SLC39A12: variants seen among roughly 807,000 people sequenced by gnomAD.
SLC39A12 encodes the protein zinc transporter ZIP12.
In SLC39A12, 63 loss-of-function variants were observed where a neutral mutation model predicts 71.1. The observed-to-expected ratio is 0.89, with a 90% CI of 0.72 to 1.09. SLC39A12 has a LOEUF of 1.09. SLC39A12 is among the 50% of genes least tolerant of loss of function. SLC39A12 has a pLI of 0.00. For synonymous variants in SLC39A12, 351 were observed against 301.3 expected, an observed-to-expected ratio of 1.16 and a Z score of -1.71; for missense variants, 892 against 812.6, an observed-to-expected ratio of 1.10 and a Z score of -1.19.
chr10:17,971,829 AT>A (rs1401863162), intron 4 of SLC39A12, among the ~76,000 whole-genome samples: 2 of 151,816 alleles, frequency 1.3e-5, no homozygotes, highest in East Asian at 3.9e-4. Flanking sequence ...CTTCAAATTC[AT>A]TTACTTCTGC....
intron 4 of SLC39A12, among the ~76,000 whole-genome samples, chr10:17,972,711 T>C (rs1835006385): frequency 6.6e-6 from 1 of 152,100 alleles, no homozygotes; most frequent in East Asian, 1.9e-4. Flanking sequence ...CCTTTATTTT[T>C]AGTCTATGTG....
intron 12 of SLC39A12, among the ~76,000 whole-genome samples, chr10:18,033,062 T>C (rs532403057): frequency 2.0e-5 from 3 of 151,412 alleles, no homozygotes; most frequent in East Asian, 3.9e-4. Flanking sequence ...CAGTATTTTA[T>C]TGAGGATTTT....
chr10:17,953,197 C>T lies in SLC39A12; in HGVS notation c.-80C>T. 1 of 1,507,276 alleles carries T rather than the reference C, an allele frequency of 6.6e-7. No individual in the cohort carries two copies. Among genetic ancestry groups the T allele is most frequent in the Non-Finnish European group, 8.9e-7 (1 of 1,120,886 alleles). The allele number at this position is 1,507,276 out of a possible 1,614,324, so 93.4% of individuals were successfully genotyped here. On this transcript the variant is annotated 5_prime_UTR_variant, in exon 2 of 13. Transcript: ENST00000377369. ...TTTTTCCCCTTTACCACAGAAATTC[C>T]TTTGGTTACAAGTTTACCCCATAAA... is the stretch of plus-strand genomic sequence containing the variant.
At chr10:17,961,477 G>A in intron 2 of SLC39A12, 104 bp from the exon 3 acceptor site, 1 of 1,149,088 alleles carries the variant, frequency 8.7e-7, no homozygotes. Flanking sequence ...TTTCCTTTCT[G>A]TTTATAAAAT....
chr10:18,002,229 CCTA>C (rs1835857536), intron 11 of SLC39A12: 1 of 152,086 alleles, frequency 6.6e-6, no homozygotes, highest in African/African-American at 2.4e-5. Context: ...CACTTTCGCA[CCTA>C]CATTGCCCCT....
chr10:17,981,078 A>G lies in SLC39A12; in HGVS notation c.925-234A>G, dbSNP rs139060671. 3.0e-3 allele frequency among the ~76,000 whole-genome samples: 450 copies of G among 152,328 alleles called. 2 individuals carry two copies. The highest frequency in any genetic ancestry group is 0.01 in the African/African-American group (436 of 41,582). ...AGGAAAGAAAAACTGTGCAAAACTC[A>G]TACTAAATAAGGCTCAGAATGAAAA... On this transcript the variant is annotated intron_variant, in intron 5 of 12. Transcript: ENST00000377369.
chr10:17,965,500 G>A lies in SLC39A12; in HGVS notation c.561G>A (p.Thr187=), dbSNP rs149105221. 9 of 1,613,798 alleles carry A rather than the reference G, an allele frequency of 5.6e-6. No homozygotes were observed. Among genetic ancestry groups the A allele is most frequent in the African/African-American group, 2.7e-5 (2 of 74,878 alleles). ...GATTTCAGTGTATGGAAACCAAAACGCTGCAGAAAAAATCTGGAATAGTGA... is the reference window on the plus strand; with the variant it reads ...GATTTCAGTGTATGGAAACCAAAACACTGCAGAAAAAATCTGGAATAGTGA... ...TSQSQCMETK[T]LQKKSGIVSS... Residue 187 remains threonine (T), a synonymous_variant, in exon 4 of 13, where the codon ACG becomes ACA. Coordinates refer to ENST00000377369, the MANE Select transcript of SLC39A12 (RefSeq NM_001145195.2).
At chr10:17,974,498 C>A (rs1284860965) in intron 4 of SLC39A12, among the ~76,000 whole-genome samples, 1 of 152,200 alleles carries the variant, frequency 6.6e-6, no homozygotes, top group African/African-American at 2.4e-5. Context: ...TCACCCCAAA[C>A]CCTGTTAACA....
rs142983044 is a variant in SLC39A12, at chr10:17,987,270, G to A, written c.1097-209G>A. Among the ~76,000 whole-genome samples, 1,380 of 152,316 alleles carry A rather than the reference G, an allele frequency of 9.1e-3. 34 individuals carry two copies. Among genetic ancestry groups the A allele is most frequent in the African/African-American group, 0.032 (1,313 of 41,558 alleles). ...GGATCACTTGAGCCTAGGAGGTGGA[G>A]GCTACAGAGAGCTATGATAGTGCCA... On this transcript the variant is annotated intron_variant, in intron 6 of 12. Transcript: ENST00000377369.
At chr10:17,969,473 A>G (rs1339003520) in intron 4 of SLC39A12, among the ~76,000 whole-genome samples, 1 of 152,132 alleles carries the variant, frequency 6.6e-6, no homozygotes, top group Non-Finnish European at 1.5e-5. Context: ...TCTTTTGGCT[A>G]TAACCCGTTT....
At chr10:18,024,850 A>C (rs1039917946) in intron 12 of SLC39A12, among the ~76,000 whole-genome samples, 1 of 152,226 alleles carries the variant, frequency 6.6e-6, no homozygotes, top group Non-Finnish European at 1.5e-5. Context: ...ATTTATCATT[A>C]TGTAATACAC....
At chr10:18,034,902 T>A (rs1160644306) in intron 12 of SLC39A12, among the ~76,000 whole-genome samples, 14 of 151,998 alleles carry the variant, frequency 9.2e-5, no homozygotes, top group Non-Finnish European at 1.8e-4. Flanking sequence ...CTCCTTCACT[T>A]ATGAAGCTTA....
rs114920141 is a variant in SLC39A12, at chr10:18,011,247, G to A, written c.1947+7889G>A. On this transcript the variant is annotated intron_variant, in intron 12 of 12. Coordinates refer to ENST00000377369, the MANE Select transcript of SLC39A12 (RefSeq NM_001145195.2). Reference sequence around the variant, plus strand: ...TGGGATTGCAAACATGTGCCCCCATGCCCGCTTATTTTTATGCTTTTAGTA... The same window carrying A: ...TGGGATTGCAAACATGTGCCCCCATACCCGCTTATTTTTATGCTTTTAGTA... Among the ~76,000 whole-genome samples, 512 of 152,070 alleles carry A rather than the reference G, an allele frequency of 3.4e-3. 8 individuals are homozygous for A. The highest frequency in any genetic ancestry group is 0.011 in the African/African-American group (475 of 41,494).
At chr10:17,976,258 CCA>C (rs1835106902) in intron 4 of SLC39A12, among the ~76,000 whole-genome samples, 1 of 152,114 alleles carries the variant, frequency 6.6e-6, no homozygotes, top group Non-Finnish European at 1.5e-5. Context: ...TCTGCCTCCT[CCA>C]GTTTTTTTCT....
At chr10:17,970,112 G>T (rs1834930983) in intron 4 of SLC39A12, among the ~76,000 whole-genome samples, 1 of 152,044 alleles carries the variant, frequency 6.6e-6, no homozygotes, top group South Asian at 2.1e-4. Flanking sequence ...GTGTGTATTT[G>T]TTGCTGGGTT....
At chr10:18,038,654 AAAATAAAT>A (rs141486316) in intron 12 of SLC39A12, among the ~76,000 whole-genome samples, 2,472 of 150,194 alleles carry the variant, frequency 0.016, 31 homozygotes, top group Non-Finnish European at 0.023. Context: ...CTCTGTCTCA[AAAATAAAT>A]AAATAAATAA....
intron 12 of SLC39A12, among the ~76,000 whole-genome samples, chr10:18,027,711 C>G (rs1408102029): frequency 6.6e-6 from 1 of 152,238 alleles, no homozygotes; most frequent in Non-Finnish European, 1.5e-5. Context: ...TCTCCAATGT[C>G]TGAGACAGTG....
At chr10:18,012,510 A>G (rs1836255358) in intron 12 of SLC39A12, among the ~76,000 whole-genome samples, 1 of 152,128 alleles carries the variant, frequency 6.6e-6, no homozygotes, top group Non-Finnish European at 1.5e-5. Context: ...GACACTCCAG[A>G]CTTCCCTCCG....
chr10:17,956,783 C>T (rs115980158), intron 2 of SLC39A12, among the ~76,000 whole-genome samples: 1,940 of 152,310 alleles, frequency 0.013, 50 homozygotes, highest in African/African-American at 0.044. Context: ...ACATAACTGT[C>T]ATGGAATAAA....
Sources: allele counts gnomAD v4.1 joint callset (sites outside exome capture counted in the v4.1 genomes callset), GRCh38; gene constraint gnomAD v4.1.1; transcripts MANE v1.5; gene names NCBI Gene and HGNC (gene_info 2026-07-23, HGNC 2026-07-21).